ASIP: variants seen among roughly 807,000 people sequenced by gnomAD.
The protein encoded by ASIP is agouti-signaling protein.
ASIP carries 11 observed loss-of-function variants against 10.3 expected under a neutral mutation model. The observed-to-expected ratio is 1.07, with a 90% CI of 0.68 to 1.78. The LOEUF is 1.78. Ranked by LOEUF, ASIP falls within the 40% of genes most tolerant of loss-of-function variation. The pLI, the probability that ASIP is intolerant of heterozygous loss-of-function variation, is 0.00. For missense variants in ASIP, 180 were observed against 169.2 expected (o/e 1.06, Z -0.35); for synonymous variants, 70 against 70.8 (o/e 0.99, Z 0.06).
At chr20:34,266,235 C>A (rs1311048501) in intron 3 of ASIP, among the ~76,000 whole-genome samples, 2 of 152,012 alleles carry the variant, frequency 1.3e-5, no homozygotes, top group East Asian at 3.9e-4. Flanking sequence ...GCCTGTAGTC[C>A]CAGCTACTTG....
intron 1 of ASIP, chr20:34,250,137 G>A (rs1460492742): frequency 6.6e-6 from 1 of 152,264 alleles, no homozygotes; most frequent in Non-Finnish European, 1.5e-5. Context: ...TGCTTGGCAG[G>A]GCTGGTGGAA....
At chr20:34,245,668 C>T (rs1271046803) in intron 1 of ASIP, among the ~76,000 whole-genome samples, 4 of 152,066 alleles carry the variant, frequency 2.6e-5, no homozygotes, top group South Asian at 2.1e-4. Flanking sequence ...GGATTACAGG[C>T]GTGAGCCACC....
At chr20:34,258,290 G>T (rs1272130839) in intron 1 of ASIP, among the ~76,000 whole-genome samples, 1 of 151,128 alleles carries the variant, frequency 6.6e-6, no homozygotes, top group Non-Finnish European at 1.5e-5. Flanking sequence ...TCTGTAAAAG[G>T]CCAGATAATA....
At chr20:34,231,999 A>G (rs936367479) in intron 1 of ASIP, among the ~76,000 whole-genome samples, 3 of 152,202 alleles carry the variant, frequency 2.0e-5, no homozygotes, top group Admixed American at 6.5e-5. Context: ...AATGAACTTT[A>G]TTATTCATCA....
At chr20:34,233,525 C>T (rs1002613256) in intron 1 of ASIP, among the ~76,000 whole-genome samples, 2 of 152,130 alleles carry the variant, frequency 1.3e-5, no homozygotes, top group Non-Finnish European at 2.9e-5. Context: ...GATGGTTGCA[C>T]AACTCTGTGA....
intron 1 of ASIP, among the ~76,000 whole-genome samples, chr20:34,220,940 T>C (rs2035042337): frequency 6.6e-6 from 1 of 151,506 alleles, no homozygotes; most frequent in Admixed American, 6.6e-5. Context: ...TTTTCTTCCT[T>C]TCTTCTTTCC....
chr20:34,214,074 C>G, intron 1 of ASIP: 1 of 1,237,652 alleles, frequency 8.1e-7, no homozygotes, highest in East Asian at 2.3e-5. Context: ...CTCCAACTGT[C>G]TCATAAATAA....
intron 1 of ASIP, among the ~76,000 whole-genome samples, chr20:34,247,300 C>CT (rs201908221): frequency 0.017 from 2,034 of 120,632 alleles, 71 homozygotes; most frequent in African/African-American, 0.047. Context: ...TTATATGATG[C>CT]TTTTTTTTTT....
upstream of ASIP, among the ~76,000 whole-genome samples, chr20:34,190,731 C>G (rs1408713029): frequency 6.6e-6 from 1 of 152,204 alleles, no homozygotes; most frequent in Non-Finnish European, 1.5e-5. Context: ...CCCATGCAGT[C>G]TTTTCTCCAT....
intron 1 of ASIP, among the ~76,000 whole-genome samples, 185 bp downstream of exon 1, chr20:34,241,674 A>G (rs2035285792): frequency 6.6e-6 from 1 of 152,234 alleles, no homozygotes; most frequent in Admixed American, 6.5e-5. Flanking sequence ...TCTTTTGCTA[A>G]CTAGTGGCTT....
intron 1 of ASIP, among the ~76,000 whole-genome samples, chr20:34,224,492 G>A (rs1159834865): frequency 6.6e-6 from 1 of 151,914 alleles, no homozygotes; most frequent in South Asian, 2.1e-4. Context: ...GACGTCAAAA[G>A]GGTTTATAAG....
intron 1 of ASIP, chr20:34,246,598 A>G: frequency 1.4e-6 from 1 of 690,224 alleles, no homozygotes; most frequent in East Asian, 2.8e-5. Flanking sequence ...CTAGGACCAC[A>G]GGCACATGCC....
At chr20:34,190,406 A>G (rs967162545), upstream of ASIP, among the ~76,000 whole-genome samples, 1 of 152,182 alleles carries the variant, frequency 6.6e-6, no homozygotes, top group Non-Finnish European at 1.5e-5. Flanking sequence ...TCTAGAGTGT[A>G]GTCCTTGGAA....
intron 1 of ASIP, among the ~76,000 whole-genome samples, chr20:34,253,701 C>A (rs1452948861): frequency 6.6e-6 from 1 of 151,884 alleles, no homozygotes; most frequent in Non-Finnish European, 1.5e-5. Context: ...AAACTCCTGG[C>A]CTCAAGTGAT....
intron 1 of ASIP, chr20:34,234,735 A>AC (rs755252516): frequency 6.6e-6 from 1 of 152,134 alleles, no homozygotes; most frequent in Non-Finnish European, 1.5e-5. Flanking sequence ...AATCATTTGA[A>AC]CCCAGGAGGC....
At chr20:34,222,460 T>G (rs1051929017) in intron 1 of ASIP, among the ~76,000 whole-genome samples, 25 of 152,144 alleles carry the variant, frequency 1.6e-4, no homozygotes, top group Admixed American at 3.3e-4. Context: ...TGAGCAACTC[T>G]GAAACTAGAT....
intron 1 of ASIP, chr20:34,215,746 A>C (rs1013481893): frequency 1.2e-5 from 17 of 1,477,542 alleles, no homozygotes; most frequent in Non-Finnish European, 1.6e-5. Context: ...TTACATGATC[A>C]TCACTATATG....
At chr20:34,207,748 T>C (rs376154138) in intron 1 of ASIP, among the ~76,000 whole-genome samples, 1 of 152,162 alleles carries the variant, frequency 6.6e-6, no homozygotes, top group East Asian at 1.9e-4. Context: ...TTCATATGGA[T>C]ATCCAGTTTT....
intron 1 of ASIP, among the ~76,000 whole-genome samples, chr20:34,217,164 G>T (rs1334844453): frequency 6.6e-6 from 1 of 152,110 alleles, no homozygotes; most frequent in Admixed American, 6.6e-5. Context: ...GAGGCTGCGC[G>T]CGGTGGCTCA....
Sources: allele counts gnomAD v4.1 joint callset (sites outside exome capture counted in the v4.1 genomes callset), GRCh38; gene constraint gnomAD v4.1.1; transcripts MANE v1.5; gene names NCBI Gene and HGNC (gene_info 2026-07-23, HGNC 2026-07-21).